RABGAP1L: variants seen among roughly 807,000 people sequenced by gnomAD.
RABGAP1L encodes the protein RAB GTPase activating protein 1 like.
Under a neutral mutation model 137.7 loss-of-function variants are expected in RABGAP1L, and 63 were observed. The observed-to-expected ratio is 0.46, with a 90% CI of 0.37 to 0.56. The LOEUF (loss-of-function observed/expected upper bound fraction) is 0.56, where lower values mean the gene tolerates loss of function less well. Ranked by LOEUF, RABGAP1L falls within the 20% of genes least tolerant of loss-of-function variation. RABGAP1L has a pLI of 0.00. For synonymous variants in RABGAP1L, 431 were observed against 433.7 expected (o/e 0.99, Z 0.08); for missense variants, 1,095 against 1,244.0 (o/e 0.88, Z 1.80).
chr1:174,931,253 C>G (rs921083526), intron 19 of RABGAP1L, among the ~76,000 whole-genome samples: 1 of 152,128 alleles, frequency 6.6e-6, no homozygotes, highest in African/African-American at 2.4e-5. Flanking sequence ...ATATTCTTTG[C>G]ATTATATTCT....
intron 10 of RABGAP1L, among the ~76,000 whole-genome samples, chr1:174,297,651 A>G (rs1351450787): frequency 6.6e-6 from 1 of 152,138 alleles, no homozygotes; most frequent in Non-Finnish European, 1.5e-5. Flanking sequence ...TTTTGGGGGA[A>G]ATGGCAGAGC....
At chr1:174,350,119 G>T (rs1263469676) in intron 11 of RABGAP1L, among the ~76,000 whole-genome samples, 1 of 139,730 alleles carries the variant, frequency 7.2e-6, no homozygotes, top group Non-Finnish European at 1.6e-5. Flanking sequence ...CGGACGGCAC[G>T]GCTGGCCGGG....
chr1:174,656,602 T>C (rs1194527405), intron 14 of RABGAP1L, among the ~76,000 whole-genome samples: 2 of 152,222 alleles, frequency 1.3e-5, no homozygotes, highest in African/African-American at 4.8e-5. Context: ...CAATCACCCT[T>C]TATTACCCCT....
rs1314713609 is a variant in RABGAP1L, at chr1:174,929,197, T to C, written c.2341-28260T>C. Among the ~76,000 whole-genome samples the C allele has an allele frequency of 4.6e-5, 7 of 152,104 alleles. No homozygotes were observed. In the South Asian group the frequency reaches 8.3e-4, roughly 18 times the overall value. On this transcript the variant is annotated intron_variant, in intron 19 of 25. Coordinates refer to ENST00000681986, the MANE Select transcript of RABGAP1L (RefSeq NM_001366446.1). ...ACCTGAACACTGTGCACATGTACCC[T>C]AGAACTTAAAATACAATAATAATAA...
At chr1:174,853,152 T>C (rs1232878258) in intron 19 of RABGAP1L, among the ~76,000 whole-genome samples, 15 of 151,612 alleles carry the variant, frequency 9.9e-5, no homozygotes, top group Admixed American at 9.9e-4. Flanking sequence ...TATCACTGAT[T>C]GGTGTCTCAA....
At chr1:174,349,594 C>G (rs1682862141) in intron 11 of RABGAP1L, among the ~76,000 whole-genome samples, 1 of 143,654 alleles carries the variant, frequency 7.0e-6, no homozygotes, top group Non-Finnish European at 1.6e-5. Flanking sequence ...GCTGACCCCC[C>G]CCACCTCCCT....
rs746674780 is a variant in RABGAP1L at position 174,448,896 on chromosome 1, G to A, written c.1710+54751G>A. ...GAGACTGGACACAGCCCTGACCGTCGCTACGCCATGGTTTTGTTTAGGATA... is the reference window on the plus strand; with the variant it reads ...GAGACTGGACACAGCCCTGACCGTCACTACGCCATGGTTTTGTTTAGGATA... On this transcript the variant is annotated intron_variant, in intron 13 of 25. Coordinates refer to ENST00000681986, the MANE Select transcript of RABGAP1L (RefSeq NM_001366446.1). The surrounding 1 kb of genome is among the most constrained non-coding windows in gnomAD (Gnocchi z 4.2). 8.7e-6 allele frequency: 14 copies of A among 1,613,348 alleles called. No individual in the cohort carries two copies. The highest frequency in any genetic ancestry group is 2.2e-5 in the East Asian group (1 of 44,894).
chr1:174,422,196 G>T (rs892385720), intron 13 of RABGAP1L, among the ~76,000 whole-genome samples: 1 of 152,102 alleles, frequency 6.6e-6, no homozygotes, highest in Non-Finnish European at 1.5e-5. Flanking sequence ...ATCTTGATAC[G>T]CTTAATGGCT....
At chr1:174,612,304 A>G (rs909086002) in intron 13 of RABGAP1L, among the ~76,000 whole-genome samples, 2 of 152,172 alleles carry the variant, frequency 1.3e-5, no homozygotes, top group Non-Finnish European at 2.9e-5. Flanking sequence ...TCTGCATCTA[A>G]TGAGATAATC....
intron 13 of RABGAP1L, among the ~76,000 whole-genome samples, chr1:174,629,713 C>T (rs563222871): frequency 6.6e-6 from 1 of 152,164 alleles, no homozygotes; most frequent in South Asian, 2.1e-4. Context: ...TTAGTAGAGA[C>T]TGGGTTTCAC....
chr1:174,621,871 A>G (rs1398544291), intron 13 of RABGAP1L, among the ~76,000 whole-genome samples: 1 of 152,212 alleles, frequency 6.6e-6, no homozygotes, highest in Non-Finnish European at 1.5e-5. Flanking sequence ...ATTAAACTAA[A>G]GAGCTTCTGC....
chr1:174,866,617 A>G (rs1409249240), intron 19 of RABGAP1L, among the ~76,000 whole-genome samples: 1 of 152,150 alleles, frequency 6.6e-6, no homozygotes, highest in African/African-American at 2.4e-5. Flanking sequence ...CTTATATAAT[A>G]AATACTACTA....
chr1:174,526,221 G>A (rs1235871614), intron 13 of RABGAP1L, among the ~76,000 whole-genome samples: 1 of 152,052 alleles, frequency 6.6e-6, no homozygotes, highest in Non-Finnish European at 1.5e-5. Flanking sequence ...TTGTGCTGTT[G>A]AATTACGGTT....
chr1:174,432,407 G>C (rs1007967313), intron 13 of RABGAP1L, among the ~76,000 whole-genome samples: 2 of 152,086 alleles, frequency 1.3e-5, no homozygotes, highest in African/African-American at 4.8e-5. Flanking sequence ...CATTTATCTG[G>C]GAAATGTAAG....
At chr1:174,210,623 TA>T (rs1348918149) in intron 1 of RABGAP1L, among the ~76,000 whole-genome samples, 1 of 152,110 alleles carries the variant, frequency 6.6e-6, no homozygotes, top group Non-Finnish European at 1.5e-5. Context: ...AGGGCAAATC[TA>T]AAAGTTATTG....
chr1:174,341,929 G>A (rs996604599), intron 11 of RABGAP1L, among the ~76,000 whole-genome samples: 13 of 152,108 alleles, frequency 8.5e-5, no homozygotes, highest in African/African-American at 2.9e-4. Flanking sequence ...GCCTTTAAAT[G>A]ATGGATAACT....
intron 11 of RABGAP1L, among the ~76,000 whole-genome samples, chr1:174,329,727 A>G (rs927472651): frequency 6.6e-6 from 1 of 151,934 alleles, no homozygotes; most frequent in Non-Finnish European, 1.5e-5. Context: ...GGATAAAACT[A>G]TGTGGTCATT....
intron 13 of RABGAP1L, among the ~76,000 whole-genome samples, chr1:174,574,865 C>G (rs183752320): frequency 6.6e-6 from 1 of 152,280 alleles, no homozygotes; most frequent in East Asian, 1.9e-4. Context: ...AGCTTTTCAT[C>G]AGGTGGAAGG....
intron 18 of RABGAP1L, among the ~76,000 whole-genome samples, chr1:174,783,077 A>G (rs186837292): frequency 6.6e-6 from 1 of 151,832 alleles, no homozygotes; most frequent in Non-Finnish European, 1.5e-5. Context: ...ACCGTTCATC[A>G]CTGCTGAATG....
Sources: allele counts gnomAD v4.1 joint callset (sites outside exome capture counted in the v4.1 genomes callset), GRCh38; gene constraint gnomAD v4.1.1; non-coding constraint Gnocchi (gnomAD v3.1); transcripts MANE v1.5; gene names NCBI Gene and HGNC (gene_info 2026-07-23, HGNC 2026-07-21).